The following MCU variants were observed in gnomAD, a reference collection of about 807,000 sequenced individuals.
MCU encodes mitochondrial calcium uniporter.
Under a neutral mutation model 45.2 loss-of-function variants are expected in MCU, and 12 were observed. The ratio of observed to expected loss-of-function variants is 0.27; its 90% CI spans 0.17 to 0.43. MCU has a LOEUF of 0.43. MCU is among the 20% of genes least tolerant of loss of function. The probability of loss-of-function intolerance (pLI) is 1.00; values close to 1 mark genes in which losing one functional copy is unlikely to be tolerated. For missense variants in MCU, 324 were observed against 436.7 expected (o/e 0.74, Z 2.30); for synonymous variants, 160 against 165.1 (o/e 0.97, Z 0.24).
chr10:72,769,180 C>G (rs566569018), intron 1 of MCU, among the ~76,000 whole-genome samples: 2 of 152,214 alleles, frequency 1.3e-5, no homozygotes, highest in East Asian at 3.9e-4. Context: ...CTTTCTTGAT[C>G]TTAGTGTCAG....
intron 1 of MCU, among the ~76,000 whole-genome samples, chr10:72,808,526 TGTAGAAGGAAGTATCCTTTCA>T (rs1402341692): frequency 6.6e-6 from 1 of 152,240 alleles, no homozygotes; most frequent in African/African-American, 2.4e-5. Context: ...AAGGTCATCT[TGTAGAAGGAAGTATCCTTTCA>T]GTACCTTGAG....
In MCU at chr10:72,866,466, C is replaced by T. The variant is rs1030559911; in HGVS notation, c.497-2237C>T. Among the ~76,000 whole-genome samples the T allele has an allele frequency of 8.5e-5, 13 of 152,062 alleles. No homozygotes were observed. The East Asian group carries it at 2.3e-3, about 27-fold the overall frequency. ...AGGCTGGAGTACAGTGGCGCAATCT[C>T]GGCTTACTGCAACCTCTGCCTCTGG... On this transcript the variant is annotated intron_variant, in intron 4 of 7. Transcript: ENST00000373053.
intron 6 of MCU, among the ~76,000 whole-genome samples, chr10:72,880,976 T>C (rs996257223): frequency 1.3e-5 from 2 of 152,080 alleles, no homozygotes; most frequent in African/African-American, 4.8e-5. Context: ...AAAATTTTTT[T>C]AAATTAGTTG....
intron 1 of MCU, among the ~76,000 whole-genome samples, chr10:72,750,946 G>A (rs1843485109): frequency 6.6e-6 from 1 of 152,104 alleles, no homozygotes; most frequent in African/African-American, 2.4e-5. Flanking sequence ...TGCCTTTGAG[G>A]TTCATCCATG....
chr10:72,881,700 G>A (rs1845704147), intron 6 of MCU, among the ~76,000 whole-genome samples: 1 of 152,112 alleles, frequency 6.6e-6, no homozygotes, highest in Non-Finnish European at 1.5e-5. Flanking sequence ...TAGAAAAAAT[G>A]GCAAGATATC....
intron 2 of MCU, among the ~76,000 whole-genome samples, chr10:72,854,156 G>A (rs1845251797): frequency 6.6e-6 from 1 of 152,046 alleles, no homozygotes; most frequent in Non-Finnish European, 1.5e-5. Flanking sequence ...AGCTGGGCAT[G>A]GTGGCACATG....
intron 1 of MCU, among the ~76,000 whole-genome samples, chr10:72,757,271 C>T (rs1251859928): frequency 6.6e-6 from 1 of 152,112 alleles, no homozygotes; most frequent in Non-Finnish European, 1.5e-5. Flanking sequence ...CAACGGGAAT[C>T]ACCACCACCA....
intron 4 of MCU, among the ~76,000 whole-genome samples, chr10:72,868,091 A>C (rs1313721083): frequency 6.6e-6 from 1 of 152,116 alleles, no homozygotes; most frequent in African/African-American, 2.4e-5. Flanking sequence ...GTCTTTATCT[A>C]ATGAAGATCA....
At chr10:72,792,303 A>G (rs1036156653) in intron 1 of MCU, among the ~76,000 whole-genome samples, 2 of 152,182 alleles carry the variant, frequency 1.3e-5, no homozygotes, top group Admixed American at 6.5e-5. Context: ...TTTTTGGCCT[A>G]AAAGGACAGG....
intron 1 of MCU, among the ~76,000 whole-genome samples, chr10:72,758,058 C>T (rs1319345764): frequency 6.6e-6 from 1 of 152,136 alleles, no homozygotes; most frequent in Non-Finnish European, 1.5e-5. Context: ...TGGCAGTAAA[C>T]TAGTGGAGTA....
At position 72,752,792 on chromosome 10, in the gene MCU, TATG is replaced by T. The variant is rs773028596; in HGVS notation, c.150+60492_150+60494del. 3.9e-5 allele frequency among the ~76,000 whole-genome samples: 6 copies of T among 152,332 alleles called. No homozygotes were observed. The East Asian group carries it at 1.2e-3, about 29-fold the overall frequency. The stretch of plus-strand genomic sequence containing the variant: ...GCTGTGTGACTGTAAGTTTGGAATT[TATG>T]GTAATAGAAGCTTTAAATATCCCAA... On this transcript the variant is annotated intron_variant, in intron 1 of 7. Coordinates refer to ENST00000373053, the MANE Select transcript of MCU (RefSeq NM_138357.3).
At chr10:72,816,126 A>G (rs1377085987) in intron 1 of MCU, among the ~76,000 whole-genome samples, 1 of 152,130 alleles carries the variant, frequency 6.6e-6, no homozygotes, top group Non-Finnish European at 1.5e-5. Flanking sequence ...AGCCAAGATC[A>G]TGCTACTGCA....
At chr10:72,697,195 C>A (rs559902609) in intron 1 of MCU, among the ~76,000 whole-genome samples, 2 of 152,042 alleles carry the variant, frequency 1.3e-5, no homozygotes, top group African/African-American at 4.8e-5. Context: ...CGGCTCACTG[C>A]AACTTCCACC....
chr10:72,723,844 T>A lies in MCU; in HGVS notation c.150+31543T>A, dbSNP rs543613589. The stretch of plus-strand genomic sequence containing the variant: ...GTAGTTTGTTGCTCTGCAGATAGAA[T>A]AGGTTACCGCCCTCACCATGTTCTT... On this transcript the variant is annotated intron_variant, in intron 1 of 7. Transcript: ENST00000373053. Among the ~76,000 whole-genome samples, 9 of 152,346 alleles carry A rather than the reference T, an allele frequency of 5.9e-5. No individual in the cohort carries two copies. In the South Asian group the frequency reaches 1.9e-3, roughly 32 times the overall value.
At chr10:72,821,150 G>C (rs548572138) in intron 1 of MCU, among the ~76,000 whole-genome samples, 142 of 151,144 alleles carry the variant, frequency 9.4e-4, no homozygotes, top group African/African-American at 3.4e-3. Context: ...GAAGTGATGG[G>C]TTCCTATATT....
At chr10:72,729,568 G>GT (rs1843143858) in intron 1 of MCU, among the ~76,000 whole-genome samples, 1 of 152,240 alleles carries the variant, frequency 6.6e-6, no homozygotes, top group African/African-American at 2.4e-5. Context: ...TGTTAGAACA[G>GT]TAACCACTCT....
At chr10:72,824,952 C>G (rs755813267) in intron 1 of MCU, among the ~76,000 whole-genome samples, 1 of 152,086 alleles carries the variant, frequency 6.6e-6, no homozygotes, top group Non-Finnish European at 1.5e-5. Context: ...ATTTCTTTCC[C>G]CCTTTTTATT....
chr10:72,714,800 C>T (rs1475201227), intron 1 of MCU, among the ~76,000 whole-genome samples: 5 of 151,878 alleles, frequency 3.3e-5, no homozygotes, highest in Admixed American at 3.3e-4. Flanking sequence ...CCCCCCTTGG[C>T]CTCCCAAAGT....
chr10:72,700,470 A>G (rs947766045), intron 1 of MCU, among the ~76,000 whole-genome samples: 1 of 152,242 alleles, frequency 6.6e-6, no homozygotes, highest in Non-Finnish European at 1.5e-5. Context: ...GGTTGAACAC[A>G]AAAGGAAAAC....
Sources: gnomAD v4.1 joint callset for allele counts (sites outside exome capture counted in the v4.1 genomes callset) on GRCh38, gnomAD v4.1.1 for gene constraint, MANE v1.5 for transcripts, NCBI Gene and HGNC (gene_info 2026-07-23, HGNC 2026-07-21) for gene names.